Variants in TWSG1 observed in about 807,000 individuals in gnomAD.
TWSG1 encodes the protein twisted gastrulation protein homolog 1.
A neutral mutation model predicts 23.0 loss-of-function variants in TWSG1; 15 were observed. That is an observed-to-expected ratio of 0.65 (90% CI 0.44 to 1.00). The LOEUF is 1.00. Among genes scored for constraint, TWSG1 ranks in the 50% least tolerant of loss-of-function variants. TWSG1 has a pLI of 0.00. For missense variants in TWSG1, 242 were observed against 278.7 expected, an observed-to-expected ratio of 0.87 and a Z score of 0.94; for synonymous variants, 86 against 92.8, an observed-to-expected ratio of 0.93 and a Z score of 0.42.
intron 3 of TWSG1, among the ~76,000 whole-genome samples, chr18:9,374,219 TAAG>T (rs1031319978): frequency 4.6e-5 from 7 of 151,444 alleles, no homozygotes; most frequent in African/African-American, 1.5e-4. Context: ...AAATTGAAAA[TAAG>T]AAATCAATAA....
intron 2 of TWSG1, among the ~76,000 whole-genome samples, chr18:9,355,673 C>G (rs11875640): frequency 0.67 from 101,343 of 152,054 alleles, 34,250 homozygotes; most frequent in Middle Eastern, 0.75. Context: ...TTTTTGCTCT[C>G]CTGATTTGCA....
intron 3 of TWSG1, among the ~76,000 whole-genome samples, chr18:9,372,408 G>A (rs2040610140): frequency 6.7e-6 from 1 of 149,686 alleles, no homozygotes; most frequent in Non-Finnish European, 1.5e-5. Flanking sequence ...AAAGTTATGT[G>A]AATGTGATCT....
chr18:9,356,676 C>T (rs1322380786), intron 2 of TWSG1, among the ~76,000 whole-genome samples: 1 of 152,070 alleles, frequency 6.6e-6, no homozygotes, highest in Non-Finnish European at 1.5e-5. Context: ...AATCTGAAAT[C>T]CAGAATGCTC....
At chr18:9,366,539 G>A (rs1214487331) in intron 3 of TWSG1, among the ~76,000 whole-genome samples, 1 of 152,214 alleles carries the variant, frequency 6.6e-6, no homozygotes, top group African/African-American at 2.4e-5. Context: ...CTACAGTCCA[G>A]TACTAACCTT....
At chr18:9,384,108 A>T (rs1013733315) in intron 3 of TWSG1, among the ~76,000 whole-genome samples, 1 of 152,198 alleles carries the variant, frequency 6.6e-6, no homozygotes, top group Non-Finnish European at 1.5e-5. Context: ...AGCAGAGGAG[A>T]TGAAGAGAGG....
chr18:9,395,166 G>A (rs2040729128), intron 3 of TWSG1, among the ~76,000 whole-genome samples: 1 of 152,176 alleles, frequency 6.6e-6, no homozygotes, highest in African/African-American at 2.4e-5. Context: ...CCTCAGCCTT[G>A]ATGTGCCTGA....
intron 2 of TWSG1, among the ~76,000 whole-genome samples, chr18:9,344,303 A>G (rs933928462): frequency 3.3e-5 from 5 of 152,138 alleles, no homozygotes; most frequent in African/African-American, 1.2e-4. Context: ...GAACTGCTGA[A>G]GTGTTTATTC....
intron 3 of TWSG1, among the ~76,000 whole-genome samples, chr18:9,364,894 A>G (rs2040570709): frequency 6.6e-6 from 1 of 152,198 alleles, no homozygotes; most frequent in African/African-American, 2.4e-5. Context: ...GTATAATGTA[A>G]ATGGAATCCT....
At position 9,341,250 on chromosome 18, in the gene TWSG1, A is replaced by G. The variant is rs116352133; in HGVS notation, c.123+3898A>G. On this transcript the variant is annotated intron_variant, in intron 2 of 4. Transcript: ENST00000262120. ...TGGAAAATACACTCTGCCACATATAAACTGTAAAGTGAATTGGCTGGCTAG... is the reference window on the plus strand; with the variant it reads ...TGGAAAATACACTCTGCCACATATAGACTGTAAAGTGAATTGGCTGGCTAG... Among the ~76,000 whole-genome samples the G allele has an allele frequency of 5.5e-3, 835 of 152,336 alleles. 9 individuals are homozygous for G. Among genetic ancestry groups the G allele is most frequent in the African/African-American group, 0.019 (784 of 41,568 alleles).
chr18:9,392,226 C>G (rs1472093363), intron 3 of TWSG1, among the ~76,000 whole-genome samples: 3 of 152,228 alleles, frequency 2.0e-5, no homozygotes, highest in Non-Finnish European at 4.4e-5. Flanking sequence ...AAGGTTGTTT[C>G]ATCTACATTG....
At chr18:9,345,257 G>A (rs6506653) in intron 2 of TWSG1, among the ~76,000 whole-genome samples, 101,425 of 152,058 alleles carry the variant, frequency 0.67, 34,285 homozygotes, top group Middle Eastern at 0.75. Context: ...CAATGTTTCT[G>A]TTTTTTTCTT....
intron 3 of TWSG1, among the ~76,000 whole-genome samples, chr18:9,374,813 A>G (rs1427259427): frequency 6.6e-6 from 1 of 152,210 alleles, no homozygotes; most frequent in Non-Finnish European, 1.5e-5. Flanking sequence ...TAAAAATTAC[A>G]CTTTGACCAA....
rs1206847822 is a variant in TWSG1 at position 9,401,879 on chromosome 18, A to C, written c.*2352A>C. On this transcript the variant is annotated 3_prime_UTR_variant, in exon 5 of 5. Coordinates refer to ENST00000262120, the MANE Select transcript of TWSG1 (RefSeq NM_020648.6). ...AAATTAGGTTATTACTTTTTTTATA[A>C]CCAGATTTTTAAAGCACTAGGTTTT... The C allele has an allele frequency of 6.6e-6, 1 of 152,102 alleles. No individual in the cohort carries two copies. Among genetic ancestry groups the C allele is most frequent in the Non-Finnish European group, 1.5e-5 (1 of 67,990 alleles). The allele number at this position is 152,102 out of a possible 1,614,324, so 9.4% of individuals were successfully genotyped here. A position where few individuals can be genotyped will look rare whatever the true frequency, so the allele number is the denominator to read the frequency against.
At chr18:9,369,116 C>G (rs1210087655) in intron 3 of TWSG1, among the ~76,000 whole-genome samples, 1 of 100,230 alleles carries the variant, frequency 1.0e-5, no homozygotes, top group Non-Finnish European at 2.0e-5. Context: ...TCAAAACAAA[C>G]AAACAAACAA....
Position 9,344,490 on chromosome 18 carries a change from C to CGTGTGTGTGTGTGT in TWSG1, c.123+7138_123+7139insGTGTGTGTGTGTGT, listed in dbSNP as rs1491456878. On this transcript the variant is annotated intron_variant, in intron 2 of 4. Transcript: ENST00000262120. ...CATCTTTTTATGTGCTTAGTGAATG[C>CGTGTGTGTGTGTGT]ATGTGTGTGTGTGTGTGTGTGTGTG... Among the ~76,000 whole-genome samples the CGTGTGTGTGTGTGT allele has an allele frequency of 5.3e-4, 60 of 113,024 alleles. 5 individuals carry two copies. The highest frequency in any genetic ancestry group is 2.7e-3 in the South Asian group (8 of 2,924). The allele number at this position is 113,024 out of a possible 152,430, so 74.1% of individuals were successfully genotyped here.
Position 9,400,005 on chromosome 18 carries a change from T to G in TWSG1, c.*478T>G, listed in dbSNP as rs1346001655. 6.5e-6 allele frequency: 1 copy of G among 153,006 alleles called. No homozygotes were observed. Among genetic ancestry groups the G allele is most frequent in the Non-Finnish European group, 1.5e-5 (1 of 68,366 alleles). 9.5% of individuals were successfully genotyped at this position (153,006 alleles called of 1,614,324 possible). On this transcript the variant is annotated 3_prime_UTR_variant, in exon 5 of 5. Coordinates refer to ENST00000262120, the MANE Select transcript of TWSG1 (RefSeq NM_020648.6). Reference sequence around the variant, plus strand: ...CCATTTTATAAATAGAGTAGATATTTGATATACCACTCTGATAACTCATAT... The same window carrying G: ...CCATTTTATAAATAGAGTAGATATTGGATATACCACTCTGATAACTCATAT...
chr18:9,342,299 T>C (rs2040449516), intron 2 of TWSG1, among the ~76,000 whole-genome samples: 1 of 152,246 alleles, frequency 6.6e-6, no homozygotes, highest in Admixed American at 6.5e-5. Flanking sequence ...GTGCGAGTAT[T>C]GTGAGGATTA....
At chr18:9,396,578 G>A (rs372827684) in intron 4 of TWSG1, 32 bp downstream of exon 4, 39 of 1,597,472 alleles carry the variant, frequency 2.4e-5, no homozygotes, top group African/African-American at 4.0e-5. Flanking sequence ...TTTCCATTCC[G>A]CCCCCTCATG....
chr18:9,390,413 G>A (rs1346826952), intron 3 of TWSG1, among the ~76,000 whole-genome samples: 1 of 151,932 alleles, frequency 6.6e-6, no homozygotes, highest in East Asian at 1.9e-4. Context: ...CGCCCCCCTC[G>A]GCCTCCCAAA....
Sources: allele counts gnomAD v4.1 joint callset (sites outside exome capture counted in the v4.1 genomes callset), GRCh38; gene constraint gnomAD v4.1.1; transcripts MANE v1.5; gene names NCBI Gene and HGNC (gene_info 2026-07-23, HGNC 2026-07-21).